TAFA1: variants seen among roughly 807,000 people sequenced by gnomAD.
TAFA1 encodes chemokine-like protein TAFA-1.
A neutral mutation model predicts 18.5 loss-of-function variants in TAFA1; 4 were observed. The ratio of observed to expected loss-of-function variants is 0.22; its 90% CI spans 0.11 to 0.49. The LOEUF (loss-of-function observed/expected upper bound fraction) is 0.49. Among genes scored for constraint, TAFA1 ranks in the 20% least tolerant of loss-of-function variants. The pLI is 0.98. For synonymous variants in TAFA1, 56 were observed against 55.2 expected (o/e 1.01, Z -0.06); for missense variants, 147 against 169.0 (o/e 0.87, Z 0.72).
rs1021393021 is a variant in TAFA1, at chr3:68,384,511, T to C, written c.119-32769T>C. The stretch of plus-strand genomic sequence containing the variant: ...TCTTTGTTTTGATTTCTAATTTCAT[T>C]GTGCTATGGTCAGAAAGATTGTTTA... On this transcript the variant is annotated intron_variant, in intron 2 of 4. Transcript: ENST00000478136. Among the ~76,000 whole-genome samples the C allele has an allele frequency of 1.1e-4, 16 of 152,166 alleles. 1 individual carries two copies. Among genetic ancestry groups the C allele is most frequent in the Admixed American group, 3.3e-4 (5 of 15,246 alleles).
At chr3:68,440,704 G>A (rs2071360074) in intron 3 of TAFA1, among the ~76,000 whole-genome samples, 2 of 152,138 alleles carry the variant, frequency 1.3e-5, no homozygotes, top group Non-Finnish European at 2.9e-5. Context: ...GACTGTTGTA[G>A]TTTCCCATTG....
chr3:68,518,473 C>G (rs1345478606), intron 3 of TAFA1, among the ~76,000 whole-genome samples: 3 of 152,222 alleles, frequency 2.0e-5, no homozygotes, highest in Non-Finnish European at 2.9e-5. Flanking sequence ...TGTCCTCAGC[C>G]TCAACATATT....
intron 3 of TAFA1, among the ~76,000 whole-genome samples, chr3:68,497,835 T>C (rs2072575366): frequency 6.6e-6 from 1 of 152,162 alleles, no homozygotes; most frequent in Non-Finnish European, 1.5e-5. Context: ...TGCATAGAAA[T>C]AGCTGTAGCC....
At chr3:68,421,310 C>G (rs955667214) in intron 3 of TAFA1, among the ~76,000 whole-genome samples, 1 of 152,058 alleles carries the variant, frequency 6.6e-6, no homozygotes, top group African/African-American at 2.4e-5. Flanking sequence ...GTTCTTTATT[C>G]TCATGTTGAT....
At chr3:68,134,537 T>A (rs981198103) in intron 2 of TAFA1, among the ~76,000 whole-genome samples, 4 of 152,198 alleles carry the variant, frequency 2.6e-5, no homozygotes, top group Admixed American at 6.5e-5. Context: ...TTACTGTCAG[T>A]CAGTGTCAGT....
At chr3:68,349,652 A>G (rs1465978328) in intron 2 of TAFA1, among the ~76,000 whole-genome samples, 1 of 152,270 alleles carries the variant, frequency 6.6e-6, no homozygotes, top group East Asian at 1.9e-4. Flanking sequence ...ACAGGTTTCT[A>G]TCACAAACAC....
chr3:68,230,156 A>G (rs1009717009), intron 2 of TAFA1, among the ~76,000 whole-genome samples: 1 of 152,174 alleles, frequency 6.6e-6, no homozygotes, highest in East Asian at 1.9e-4. Context: ...TTTTAAATAT[A>G]CAACAAATTA....
intron 3 of TAFA1, among the ~76,000 whole-genome samples, chr3:68,428,443 C>T (rs1319995381): frequency 6.6e-6 from 1 of 151,910 alleles, no homozygotes; most frequent in South Asian, 2.1e-4. Context: ...AGGCATCCTT[C>T]GACCTCCTTA....
chr3:68,331,043 G>A (rs1352794372), intron 2 of TAFA1, among the ~76,000 whole-genome samples: 1 of 135,442 alleles, frequency 7.4e-6, no homozygotes, highest in African/African-American at 2.5e-5. Context: ...AACAACAAAT[G>A]TCCATCAGCT....
At chr3:68,080,042 G>T (rs990242570) in intron 2 of TAFA1, among the ~76,000 whole-genome samples, 17 of 152,168 alleles carry the variant, frequency 1.1e-4, no homozygotes, top group African/African-American at 3.1e-4. Flanking sequence ...TCTTCTTGTT[G>T]AATTGATCCC....
At chr3:67,997,289 C>T in the TAFA1 span, among the ~76,000 whole-genome samples, 2 of 152,124 alleles carry the variant, frequency 1.3e-5, no homozygotes, top group Non-Finnish European at 2.9e-5. Flanking sequence ...ACCAGATACA[C>T]TGATATGCAT....
At chr3:68,487,190 A>C (rs1237864772) in intron 3 of TAFA1, among the ~76,000 whole-genome samples, 1 of 152,230 alleles carries the variant, frequency 6.6e-6, no homozygotes, top group Non-Finnish European at 1.5e-5. Context: ...TTATAATGTC[A>C]GGGAAGCTTT....
At chr3:68,411,154 A>G (rs1349876435) in intron 2 of TAFA1, among the ~76,000 whole-genome samples, 1 of 152,202 alleles carries the variant, frequency 6.6e-6, no homozygotes, top group African/African-American at 2.4e-5. Context: ...TCTCTGGGTT[A>G]TAATAGGAAT....
chr3:68,501,237 A>G (rs1378031212), intron 3 of TAFA1, among the ~76,000 whole-genome samples: 1 of 150,510 alleles, frequency 6.6e-6, no homozygotes, highest in African/African-American at 2.4e-5. Flanking sequence ...AGATCTTTTT[A>G]CTCTTAATTC....
chr3:68,137,205 C>T (rs1001849909), intron 2 of TAFA1, among the ~76,000 whole-genome samples: 1 of 151,802 alleles, frequency 6.6e-6, no homozygotes, highest in South Asian at 2.1e-4. Context: ...AAACCTCAAG[C>T]ATTCAGTCAC....
At chr3:68,078,040 G>T (rs1389658600) in intron 2 of TAFA1, among the ~76,000 whole-genome samples, 5 of 151,780 alleles carry the variant, frequency 3.3e-5, no homozygotes, top group African/African-American at 1.2e-4. Flanking sequence ...CTTGTAAGCT[G>T]GATTCCTAGG....
At chr3:68,137,099 C>G (rs375924555) in intron 2 of TAFA1, among the ~76,000 whole-genome samples, 1 of 152,198 alleles carries the variant, frequency 6.6e-6, no homozygotes, top group East Asian at 1.9e-4. Flanking sequence ...TGCTCAAGAT[C>G]CAGAAATAGG....
At chr3:68,374,278 G>A (rs1219894486) in intron 2 of TAFA1, among the ~76,000 whole-genome samples, 1 of 152,106 alleles carries the variant, frequency 6.6e-6, no homozygotes, top group Non-Finnish European at 1.5e-5. Context: ...GGTTTGGTAG[G>A]CAAGGGTCAT....
At chr3:68,394,335 A>G (rs1204547537) in intron 2 of TAFA1, among the ~76,000 whole-genome samples, 1 of 152,192 alleles carries the variant, frequency 6.6e-6, no homozygotes, top group Non-Finnish European at 1.5e-5. Flanking sequence ...TTCCATGCTC[A>G]TGGATAGGAA....
Sources: gnomAD v4.1 joint callset for allele counts (sites outside exome capture counted in the v4.1 genomes callset) on GRCh38, gnomAD v4.1.1 for gene constraint, MANE v1.5 for transcripts, NCBI Gene and HGNC (gene_info 2026-07-23, HGNC 2026-07-21) for gene names.